The following TAFA1 variants were observed in gnomAD, a reference collection of about 807,000 sequenced individuals.
TAFA1 encodes the protein TAFA chemokine like family member 1.
In TAFA1, 4 loss-of-function variants were observed where a neutral mutation model predicts 18.5. That is an observed-to-expected ratio of 0.22 (90% confidence interval 0.11 to 0.49). The LOEUF is 0.49. Ranked by LOEUF, TAFA1 falls within the 20% of genes least tolerant of loss-of-function variation. The probability of loss-of-function intolerance (pLI) is 0.98; values close to 1 mark genes in which losing one functional copy is unlikely to be tolerated. For synonymous variants in TAFA1, 56 were observed against 55.2 expected (o/e 1.01, Z -0.06); for missense variants, 147 against 169.0 (o/e 0.87, Z 0.72).
chr3:68,236,836 C>A (rs1241698741), intron 2 of TAFA1, among the ~76,000 whole-genome samples: 1 of 152,132 alleles, frequency 6.6e-6, no homozygotes, highest in East Asian at 1.9e-4. Flanking sequence ...TGGAGTAGCA[C>A]CTTCTCATGA....
chr3:68,148,771 C>G (rs185581869), intron 2 of TAFA1, among the ~76,000 whole-genome samples: 3 of 152,098 alleles, frequency 2.0e-5, no homozygotes, highest in East Asian at 3.9e-4. Context: ...GGTTATCCCC[C>G]CAAGGCACAG....
At chr3:68,385,496 G>A (rs1276690557) in intron 2 of TAFA1, among the ~76,000 whole-genome samples, 5 of 152,060 alleles carry the variant, frequency 3.3e-5, no homozygotes, top group African/African-American at 7.2e-5. Context: ...GGCACTTAAA[G>A]TCTCTGGGCC....
intron 2 of TAFA1, among the ~76,000 whole-genome samples, chr3:68,244,825 A>G (rs1428521751): frequency 6.6e-6 from 1 of 152,208 alleles, no homozygotes; most frequent in Non-Finnish European, 1.5e-5. Flanking sequence ...GCAGAAAAAA[A>G]TGCGTGCAGG....
At chr3:68,266,215 G>T (rs1191120630) in intron 2 of TAFA1, among the ~76,000 whole-genome samples, 1 of 152,124 alleles carries the variant, frequency 6.6e-6, no homozygotes, top group Non-Finnish European at 1.5e-5. Context: ...CAGCCAGGAT[G>T]GTCATTTAAG....
chr3:68,175,739 AT>A (rs2106970213), intron 2 of TAFA1, among the ~76,000 whole-genome samples: 1 of 152,276 alleles, frequency 6.6e-6, no homozygotes, highest in African/African-American at 2.4e-5. Flanking sequence ...TTTTGAGTTA[AT>A]TCTGAAATGA....
intron 2 of TAFA1, among the ~76,000 whole-genome samples, chr3:68,055,523 T>G (rs1380598345): frequency 1.3e-5 from 2 of 152,116 alleles, no homozygotes; most frequent in East Asian, 3.9e-4. Flanking sequence ...TCTTTACTTC[T>G]TGAAGCAGAG....
At chr3:68,409,479 C>A (rs1363519580) in intron 2 of TAFA1, among the ~76,000 whole-genome samples, 1 of 152,004 alleles carries the variant, frequency 6.6e-6, no homozygotes, top group East Asian at 1.9e-4. Flanking sequence ...TGGTCATTTC[C>A]CCTGCACTCT....
At chr3:68,532,834 G>C (rs1197765734) in intron 3 of TAFA1, among the ~76,000 whole-genome samples, 2 of 151,014 alleles carry the variant, frequency 1.3e-5, no homozygotes, top group African/African-American at 4.9e-5. Context: ...GAAATAAAAT[G>C]AGTTTATGAA....
At chr3:68,409,070 C>T (rs1257455583) in intron 2 of TAFA1, among the ~76,000 whole-genome samples, 1 of 152,114 alleles carries the variant, frequency 6.6e-6, no homozygotes, top group East Asian at 1.9e-4. Flanking sequence ...GGCTCATACA[C>T]AGTAGAATAT....
chr3:68,007,093 C>T (rs962115820), intron 2 of TAFA1, among the ~76,000 whole-genome samples: 3 of 152,202 alleles, frequency 2.0e-5, no homozygotes, highest in Admixed American at 6.5e-5. Flanking sequence ...CTACTATAAT[C>T]TTGGTCTGTA....
chr3:68,329,416 C>G (rs995212784), intron 2 of TAFA1, among the ~76,000 whole-genome samples: 2 of 151,784 alleles, frequency 1.3e-5, no homozygotes, highest in Non-Finnish European at 2.9e-5. Context: ...CCTATGTTTC[C>G]AAAGACTGCC....
At chr3:68,176,425 T>A (rs189309979) in intron 2 of TAFA1, among the ~76,000 whole-genome samples, 14 of 152,304 alleles carry the variant, frequency 9.2e-5, no homozygotes, top group Admixed American at 9.1e-4. Context: ...CACCTCACAG[T>A]GAGCTATGAT....
At chr3:68,229,134 C>T (rs562476289) in intron 2 of TAFA1, among the ~76,000 whole-genome samples, 1 of 152,078 alleles carries the variant, frequency 6.6e-6, no homozygotes, top group Non-Finnish European at 1.5e-5. Flanking sequence ...ATTTTTGAAC[C>T]AGATAGGCAC....
At chr3:68,540,342 T>G (rs2073351880) in intron 4 of TAFA1, among the ~76,000 whole-genome samples, 1 of 152,166 alleles carries the variant, frequency 6.6e-6, no homozygotes, top group African/African-American at 2.4e-5. Flanking sequence ...TTATCCTGTT[T>G]CATTTTAATG....
chr3:68,141,253 C>T (rs1008787446), intron 2 of TAFA1, among the ~76,000 whole-genome samples: 1 of 152,068 alleles, frequency 6.6e-6, no homozygotes, highest in Non-Finnish European at 1.5e-5. Flanking sequence ...TTATGTGGCC[C>T]CTATGTCTAA....
chr3:68,140,826 C>A (rs1559535252), intron 2 of TAFA1, among the ~76,000 whole-genome samples: 1 of 152,110 alleles, frequency 6.6e-6, no homozygotes, highest in Non-Finnish European at 1.5e-5. Flanking sequence ...GGCTTTAGAG[C>A]CCACTATACC....
chr3:68,109,494 C>G (rs1229557133), intron 2 of TAFA1, among the ~76,000 whole-genome samples: 1 of 151,946 alleles, frequency 6.6e-6, no homozygotes, highest in Admixed American at 6.6e-5. Context: ...AAAAGAATAT[C>G]AAAGTGGCAA....
At chr3:68,389,091 G>T (rs763820196) in intron 2 of TAFA1, among the ~76,000 whole-genome samples, 1 of 152,150 alleles carries the variant, frequency 6.6e-6, no homozygotes, top group Non-Finnish European at 1.5e-5. Flanking sequence ...TATAAGGAGA[G>T]TTCTGTATTT....
intron 3 of TAFA1, among the ~76,000 whole-genome samples, chr3:68,493,156 C>A (rs570126154): frequency 6.6e-6 from 1 of 152,128 alleles, no homozygotes; most frequent in East Asian, 1.9e-4. Flanking sequence ...TTTTCTCCCT[C>A]TTCCTCGTCT....
Sources: gnomAD v4.1 joint callset for allele counts (sites outside exome capture counted in the v4.1 genomes callset) on GRCh38, gnomAD v4.1.1 for gene constraint, MANE v1.5 for transcripts, NCBI Gene and HGNC (gene_info 2026-07-23, HGNC 2026-07-21) for gene names.